CDH13: variants seen among roughly 807,000 people sequenced by gnomAD.
CDH13 encodes cadherin 13.
In CDH13, 24 loss-of-function variants were observed where a neutral mutation model predicts 63.8. The observed-to-expected ratio is 0.38, with a 90% CI of 0.27 to 0.53. CDH13 has a LOEUF of 0.53. CDH13 is among the 20% of genes least tolerant of loss of function. The pLI is 0.85. For synonymous variants in CDH13, 503 were observed against 355.3 expected, an observed-to-expected ratio of 1.42 and a Z score of -4.67; for missense variants, 1,049 against 903.1, an observed-to-expected ratio of 1.16 and a Z score of -2.07.
chr16:82,663,268 C>T (rs528538930), intron 1 of CDH13, among the ~76,000 whole-genome samples: 5 of 152,296 alleles, frequency 3.3e-5, no homozygotes, highest in African/African-American at 1.2e-4. Context: ...CTCACCGCAA[C>T]CTCTGCCTCC....
rs763568468 is a variant in CDH13, at chr16:82,813,805, G to A, written c.46-44557G>A. 1.1e-4 allele frequency among the ~76,000 whole-genome samples: 16 copies of A among 152,192 alleles called. 1 individual carries two copies. Among genetic ancestry groups the A allele is most frequent in the South Asian group, 4.1e-4 (2 of 4,824 alleles). On this transcript the variant is annotated intron_variant, in intron 1 of 13. Transcript: ENST00000567109. ...CCTTTACTAACTGTGCCATTTTGGC[G>A]AAAAGATAGATTTTGAAGTTCAATC...
chr16:83,333,099 C>G (rs2090513007), intron 5 of CDH13, among the ~76,000 whole-genome samples: 1 of 152,078 alleles, frequency 6.6e-6, no homozygotes, highest in Admixed American at 6.6e-5. Flanking sequence ...TCCAGTCTGT[C>G]AAGCGGGGGA....
chr16:83,762,672 C>G (rs887007858), intron 11 of CDH13, among the ~76,000 whole-genome samples: 7 of 152,218 alleles, frequency 4.6e-5, no homozygotes. Flanking sequence ...TCGTTGGCCG[C>G]TGCTTCTTGG....
chr16:82,667,145 C>T (rs1249683020), intron 1 of CDH13, among the ~76,000 whole-genome samples: 1 of 152,190 alleles, frequency 6.6e-6, no homozygotes, highest in Non-Finnish European at 1.5e-5. Flanking sequence ...CGCCTCACCT[C>T]CTAGCAGCTG....
intron 6 of CDH13, among the ~76,000 whole-genome samples, chr16:83,352,253 T>G (rs1422485584): frequency 6.6e-6 from 1 of 151,902 alleles, no homozygotes; most frequent in East Asian, 1.9e-4. Flanking sequence ...CAGAGACCAT[T>G]TCCCAAAAGG....
chr16:83,319,220 T>A (rs1597735227), intron 5 of CDH13, among the ~76,000 whole-genome samples: 1 of 152,224 alleles, frequency 6.6e-6, no homozygotes, highest in South Asian at 2.1e-4. Flanking sequence ...GTTTACCTAC[T>A]AATGTAATAA....
At chr16:83,404,625 A>G (rs572843277) in intron 6 of CDH13, among the ~76,000 whole-genome samples, 18 of 152,310 alleles carry the variant, frequency 1.2e-4, no homozygotes, top group African/African-American at 4.3e-4. Flanking sequence ...TCACACACAA[A>G]TACACACACC....
chr16:83,309,318 C>G (rs1395295804), intron 5 of CDH13, among the ~76,000 whole-genome samples: 2 of 151,966 alleles, frequency 1.3e-5, no homozygotes, highest in Non-Finnish European at 2.9e-5. Context: ...GGTGAGAGCA[C>G]TGTCTTCAGC....
At chr16:83,094,901 C>T (rs2151590047) in intron 3 of CDH13, among the ~76,000 whole-genome samples, 1 of 152,276 alleles carries the variant, frequency 6.6e-6, no homozygotes, top group East Asian at 1.9e-4. Context: ...TCACAATTAA[C>T]TCTGTAAGTT....
intron 2 of CDH13, among the ~76,000 whole-genome samples, chr16:82,974,944 G>A (rs377473267): frequency 5.9e-5 from 9 of 152,284 alleles, no homozygotes; most frequent in African/African-American, 1.9e-4. Context: ...CATAAACTAC[G>A]CCCAGACTGA....
intron 5 of CDH13, among the ~76,000 whole-genome samples, chr16:83,283,269 G>A (rs1050737207): frequency 2.0e-5 from 3 of 152,160 alleles, no homozygotes; most frequent in African/African-American, 4.8e-5. Flanking sequence ...TATGAACTCC[G>A]AGTGTGGGAC....
At chr16:83,508,533 G>A (rs2074478397) in intron 7 of CDH13, 1 of 152,538 alleles carries the variant, frequency 6.6e-6, no homozygotes, top group Admixed American at 6.5e-5. Context: ...CAGTCTTACT[G>A]CCCAGGGAAC....
chr16:83,107,943 C>T (rs984081942), intron 3 of CDH13, among the ~76,000 whole-genome samples: 3 of 151,922 alleles, frequency 2.0e-5, no homozygotes, highest in Non-Finnish European at 4.4e-5. Context: ...CTCAGCCTCC[C>T]GATTAGCAGG....
chr16:83,660,032 C>G (rs1049154285), intron 8 of CDH13, among the ~76,000 whole-genome samples: 5 of 152,036 alleles, frequency 3.3e-5, no homozygotes, highest in Non-Finnish European at 7.4e-5. Flanking sequence ...GGTGATCCTC[C>G]TGCCTCGGCC....
chr16:82,641,042 G>A (rs1909332420), intron 1 of CDH13, among the ~76,000 whole-genome samples: 2 of 152,306 alleles, frequency 1.3e-5, no homozygotes, highest in African/African-American at 4.8e-5. Context: ...CCAAGAAGAA[G>A]GAAAGCCAGC....
intron 6 of CDH13, among the ~76,000 whole-genome samples, chr16:83,353,817 C>T (rs1250917071): frequency 6.6e-6 from 1 of 152,156 alleles, no homozygotes; most frequent in Admixed American, 6.5e-5. Flanking sequence ...AGATGTGGCC[C>T]TTGGGTTCAC....
intron 10 of CDH13, among the ~76,000 whole-genome samples, chr16:83,697,877 C>G (rs79277344): frequency 6.6e-6 from 1 of 152,358 alleles, no homozygotes. Context: ...AAACTCCTGG[C>G]CTCAAGTGGT....
chr16:83,088,853 A>G (rs1364762509), intron 3 of CDH13, among the ~76,000 whole-genome samples: 3 of 152,200 alleles, frequency 2.0e-5, no homozygotes, highest in African/African-American at 7.2e-5. Context: ...TTTAGAACAG[A>G]GATTTTTCAG....
chr16:82,650,477 A>G (rs1227270661), intron 1 of CDH13, among the ~76,000 whole-genome samples: 2 of 152,138 alleles, frequency 1.3e-5, no homozygotes, highest in East Asian at 1.9e-4. Flanking sequence ...CACACCACAG[A>G]CTTGGCATGA....
Sources: allele counts gnomAD v4.1 joint callset (sites outside exome capture counted in the v4.1 genomes callset), GRCh38; gene constraint gnomAD v4.1.1; transcripts MANE v1.5; gene names NCBI Gene and HGNC (gene_info 2026-07-23, HGNC 2026-07-21).